Variants in KCNK9 observed in about 807,000 individuals in gnomAD.
KCNK9 encodes the protein potassium two pore domain channel subfamily K member 9.
A neutral mutation model predicts 10.8 loss-of-function variants in KCNK9; 1 was observed. The ratio of observed to expected loss-of-function variants is 0.09; its 90% CI spans 0.03 to 0.44. The LOEUF (loss-of-function observed/expected upper bound fraction) is 0.44, where lower values mean the gene tolerates loss of function less well. Among genes scored for constraint, KCNK9 ranks in the 20% least tolerant of loss-of-function variants. The pLI is 0.97. For missense variants in KCNK9, 303 were observed against 515.0 expected, an observed-to-expected ratio of 0.59 and a Z score of 3.98; for synonymous variants, 231 against 222.7, an observed-to-expected ratio of 1.04 and a Z score of -0.33.
chr8:139,629,305 C>T (rs544038184), intron 1 of KCNK9, among the ~76,000 whole-genome samples: 1 of 152,326 alleles, frequency 6.6e-6, no homozygotes, highest in South Asian at 2.1e-4. Context: ...CACAGCGTGC[C>T]CCAAGATGTT....
chr8:139,618,600 C>T lies in KCNK9; in HGVS notation c.783G>A (p.Arg261=), dbSNP rs1814675552. The change falls in exon 2 of 2, where the codon AGG becomes AGA. Residue 261 remains arginine, a synonymous_variant. Coordinates refer to ENST00000520439, the MANE Select transcript of KCNK9 (RefSeq NM_001282534.2). The surrounding 1 kb of genome is among the most constrained non-coding windows in gnomAD (Gnocchi z 7.9). The stretch of plus-strand genomic sequence containing the variant: ...TGTTGCGGTTTCCGGCGAGGGATGC[C>T]CTCTCTTCAGCATCCCGCCGCTCAT... ...SEDERRDAEE[R]ASLAGNRNSM... The T allele has an allele frequency of 6.2e-7, 1 of 1,613,824 alleles. No individual in the cohort carries two copies. The highest frequency in any genetic ancestry group is 1.3e-5 in the African/African-American group (1 of 74,940).
At chr8:139,614,392 A>G (rs1307772837), downstream of KCNK9, among the ~76,000 whole-genome samples, 1 of 152,146 alleles carries the variant, frequency 6.6e-6, no homozygotes, top group Admixed American at 6.5e-5. Flanking sequence ...TCCTGAAAGG[A>G]TGATGGACCC....
chr8:139,670,845 G>A lies in KCNK9; in HGVS notation c.283+31865C>T, dbSNP rs542808335. 3.9e-5 allele frequency among the ~76,000 whole-genome samples: 6 copies of A among 152,122 alleles called. 1 individual carries two copies. The East Asian group carries it at 5.8e-4, about 15-fold the overall frequency. Reference sequence around the variant, plus strand: ...TTAAAAACAATGTGGTAGGTCAAACGTGGGTGGCCCGCCTCCCCAGCAGCA... The same window carrying A: ...TTAAAAACAATGTGGTAGGTCAAACATGGGTGGCCCGCCTCCCCAGCAGCA... On this transcript the variant is annotated intron_variant, in intron 1 of 1. Transcript: ENST00000520439.
chr8:139,613,233 T>G (rs1353789138), downstream of KCNK9, among the ~76,000 whole-genome samples: 1 of 152,132 alleles, frequency 6.6e-6, no homozygotes, highest in Admixed American at 6.6e-5. Flanking sequence ...TGGCAAAGTA[T>G]TGAGGCTGGG....
intron 1 of KCNK9, among the ~76,000 whole-genome samples, chr8:139,659,472 C>G (rs1202626928): frequency 7.3e-6 from 1 of 137,026 alleles, no homozygotes; most frequent in Non-Finnish European, 1.5e-5. Context: ...CTGGCTTGGA[C>G]CCTACCCCTG....
chr8:139,702,636 C>G lies in KCNK9; in HGVS notation c.283+74G>C. 27 of 1,479,982 alleles carry G rather than the reference C, an allele frequency of 1.8e-5. No homozygotes were observed. Among genetic ancestry groups the G allele is most frequent in the Non-Finnish European group, 2.4e-5 (27 of 1,104,300 alleles). The allele number at this position is 1,479,982 out of a possible 1,614,324, so 91.7% of individuals were successfully genotyped here. ...AACCCTCGACGCCCTGCACCCAGCC[C>G]GGCGCGGCGCGCTCAGCCGCCTCCC... On this transcript the variant is annotated intron_variant, in intron 1 of 1. Coordinates refer to ENST00000520439, the MANE Select transcript of KCNK9 (RefSeq NM_001282534.2). The surrounding 1 kb of genome is among the most constrained non-coding windows in gnomAD (Gnocchi z 7.5).
At chr8:139,627,184 C>T (rs1343080749) in intron 1 of KCNK9, among the ~76,000 whole-genome samples, 1 of 152,174 alleles carries the variant, frequency 6.6e-6, no homozygotes, top group Non-Finnish European at 1.5e-5. Context: ...GAAGCAGCCT[C>T]CTCCAGTGGC....
At position 139,693,867 on chromosome 8, in the gene KCNK9, T is replaced by G. The variant is rs1586697453; in HGVS notation, c.283+8843A>C. On this transcript the variant is annotated intron_variant, in intron 1 of 1. Transcript: ENST00000520439. The surrounding 1 kb of genome is among the most constrained non-coding windows in gnomAD (Gnocchi z 4.1). ...GGGCTTTTAAAGGTCACTGCAGTGG[T>G]GGAGTGGAAGGTGGTGTCCCAGGAA... Among the ~76,000 whole-genome samples, 2 of 152,084 alleles carry G rather than the reference T, an allele frequency of 1.3e-5. No homozygotes were observed. Among genetic ancestry groups the G allele is most frequent in the Non-Finnish European group, 2.9e-5 (2 of 67,980 alleles).
intron 1 of KCNK9, among the ~76,000 whole-genome samples, chr8:139,694,615 G>T (rs564997908): frequency 6.6e-6 from 1 of 152,202 alleles, no homozygotes; most frequent in Non-Finnish European, 1.5e-5. Context: ...CTGGCCATGC[G>T]TAGGGTAGGG....
At chr8:139,657,199 G>A (rs868087363) in intron 1 of KCNK9, among the ~76,000 whole-genome samples, 1 of 152,220 alleles carries the variant, frequency 6.6e-6, no homozygotes, top group Non-Finnish European at 1.5e-5. Flanking sequence ...AGCCAGGATT[G>A]CACTCAAGCA....
downstream of KCNK9, among the ~76,000 whole-genome samples, chr8:139,610,133 C>G (rs1159411798): frequency 6.6e-6 from 1 of 152,200 alleles, no homozygotes; most frequent in Non-Finnish European, 1.5e-5. Context: ...ATTTCTAAGT[C>G]CTGATGGGAA....
intron 1 of KCNK9, among the ~76,000 whole-genome samples, chr8:139,655,463 G>T (rs571244829): frequency 1.8e-4 from 28 of 152,274 alleles, no homozygotes; most frequent in African/African-American, 6.7e-4. Context: ...AGGTGGGGCT[G>T]GGGGAGGAAG....
At chr8:139,685,607 C>T (rs549004842) in intron 1 of KCNK9, among the ~76,000 whole-genome samples, 22 of 152,290 alleles carry the variant, frequency 1.4e-4, no homozygotes, top group South Asian at 6.2e-4. Context: ...GCAAAGGACA[C>T]GAACTCATAG....
chr8:139,606,580 C>G (rs1364163654), intron 2 of KCNK9, among the ~76,000 whole-genome samples: 3 of 152,152 alleles, frequency 2.0e-5, no homozygotes, highest in Admixed American at 6.5e-5. Flanking sequence ...GAGTCAAAAG[C>G]AACAAGTTTT....
chr8:139,682,313 G>C (rs76880994), intron 1 of KCNK9, among the ~76,000 whole-genome samples: 1 of 152,284 alleles, frequency 6.6e-6, no homozygotes, highest in South Asian at 2.1e-4. Context: ...ACAGGCGGGT[G>C]GGGGCCTCAG....
At position 139,655,493 on chromosome 8, in the gene KCNK9, C is replaced by T. The variant is rs183870868; in HGVS notation, c.284-36394G>A. 4.6e-3 allele frequency among the ~76,000 whole-genome samples: 706 copies of T among 152,242 alleles called. 4 individuals carry two copies. The highest frequency in any genetic ancestry group is 0.031 in the Middle Eastern group (9 of 294). ...AGGAAGGGGCATGGGAGGCTGTGAC[C>T]CCCATCAGGTCCAGGTGAAAGAACA... On this transcript the variant is annotated intron_variant, in intron 1 of 1. Coordinates refer to ENST00000520439, the MANE Select transcript of KCNK9 (RefSeq NM_001282534.2).
downstream of KCNK9, chr8:139,611,736 A>G (rs773753844): frequency 6.6e-6 from 1 of 152,294 alleles, no homozygotes; most frequent in Non-Finnish European, 1.5e-5. Flanking sequence ...CCACCCTGCC[A>G]GGCAGGTGCC....
intron 1 of KCNK9, among the ~76,000 whole-genome samples, chr8:139,700,518 G>GCACA (rs1260357091): frequency 1.5e-5 from 2 of 135,590 alleles, no homozygotes; most frequent in Non-Finnish European, 3.1e-5. Context: ...ACGCGCGCGC[G>GCACA]CGCACACACA....
chr8:139,628,226 G>A (rs1586642912), intron 1 of KCNK9, among the ~76,000 whole-genome samples: 1 of 152,290 alleles, frequency 6.6e-6, no homozygotes, highest in East Asian at 1.9e-4. Flanking sequence ...CATCTCCTTT[G>A]CCTTTCCTCC....
Sources: allele counts gnomAD v4.1 joint callset (sites outside exome capture counted in the v4.1 genomes callset), GRCh38; gene constraint gnomAD v4.1.1; non-coding constraint Gnocchi (gnomAD v3.1); transcripts MANE v1.5; gene names NCBI Gene and HGNC (gene_info 2026-07-23, HGNC 2026-07-21).